The following L3HYPDH variants were observed in gnomAD, a reference collection of about 807,000 sequenced individuals.
L3HYPDH encodes the protein trans-L-3-hydroxyproline dehydratase, also known as trans-3-hydroxy-L-proline dehydratase.
A neutral mutation model predicts 26.5 loss-of-function variants in L3HYPDH; 32 were observed. That is an observed-to-expected ratio of 1.21 (90% CI 0.91 to 1.62). L3HYPDH has a LOEUF of 1.62. Among genes scored for constraint, L3HYPDH ranks in the 40% most tolerant of loss-of-function variants. The pLI, the probability that L3HYPDH is intolerant of heterozygous loss-of-function variation, is 0.00. For missense variants in L3HYPDH, 554 were observed against 476.4 expected, an observed-to-expected ratio of 1.16 and a Z score of -1.52; for synonymous variants, 215 against 196.6, an observed-to-expected ratio of 1.09 and a Z score of -0.78.
chr14:59,498,763 G>C, the L3HYPDH span: 4 of 1,589,954 alleles, frequency 2.5e-6, no homozygotes, highest in African/African-American at 4.0e-5. Context: ...CATTCTGCTT[G>C]GTATTAATGA....
chr14:59,466,113 T>C (rs1460766413), intron 1 of L3HYPDH, among the ~76,000 whole-genome samples: 1 of 152,162 alleles, frequency 6.6e-6, no homozygotes, highest in African/African-American at 2.4e-5. Context: ...TTCCTTTAGA[T>C]GTTACTTCAT....
At chr14:59,496,613 T>C in the L3HYPDH span, among the ~76,000 whole-genome samples, 1 of 152,226 alleles carries the variant, frequency 6.6e-6, no homozygotes, top group East Asian at 1.9e-4. Context: ...TCTGCACCTG[T>C]AATAGTCACT....
chr14:59,466,183 G>A (rs1309907440), intron 1 of L3HYPDH, among the ~76,000 whole-genome samples: 1 of 152,176 alleles, frequency 6.6e-6, no homozygotes, highest in African/African-American at 2.4e-5. Flanking sequence ...AGGGATTGGT[G>A]CCTTGCCCTG....
At chr14:59,484,454 A>G (rs888064397), upstream of L3HYPDH, 6 of 1,377,760 alleles carry the variant, frequency 4.4e-6, no homozygotes, top group Non-Finnish European at 6.0e-6. Context: ...TAAACCCGGA[A>G]GCGAGGGAGG....
chr14:59,484,519 G>T, upstream of L3HYPDH: 1 of 1,545,476 alleles, frequency 6.5e-7, no homozygotes, highest in Non-Finnish European at 8.8e-7. Flanking sequence ...AGCTCGCTGT[G>T]GCCCGGATGT....
chr14:59,503,440 G>A, the L3HYPDH span, among the ~76,000 whole-genome samples: 1 of 152,302 alleles, frequency 6.6e-6, no homozygotes, highest in African/African-American at 2.4e-5. Context: ...TAGAGGTTAA[G>A]GAGGTTGGGT....
chr14:59,503,910 G>T, the L3HYPDH span: 10 of 1,613,546 alleles, frequency 6.2e-6, no homozygotes, highest in Non-Finnish European at 8.5e-6. Context: ...TCAGCCACTG[G>T]TTACTTCATG....
chr14:59,487,739 A>C (rs753917895), upstream of L3HYPDH: 19 of 1,613,264 alleles, frequency 1.2e-5, no homozygotes, highest in Non-Finnish European at 1.4e-5. Context: ...AATCTCCTGA[A>C]CTTTATGATT....
upstream of L3HYPDH, among the ~76,000 whole-genome samples, chr14:59,486,433 A>G (rs1261355676): frequency 6.6e-6 from 1 of 152,308 alleles, no homozygotes; most frequent in Admixed American, 6.5e-5. Flanking sequence ...TCCTCTAATC[A>G]TACCGGGTTA....
At chr14:59,502,079 T>C in the L3HYPDH span, among the ~76,000 whole-genome samples, 1 of 152,212 alleles carries the variant, frequency 6.6e-6, no homozygotes, top group Non-Finnish European at 1.5e-5. Context: ...GGGAAAAATG[T>C]ATTCATTAAA....
chr14:59,487,079 T>C (rs1291880971), upstream of L3HYPDH: 7 of 232,456 alleles, frequency 3.0e-5, no homozygotes, highest in Non-Finnish European at 5.8e-5. Flanking sequence ...TGTGTGCGCC[T>C]GTAGTCCCAG....
At chr14:59,474,254 C>A (rs1889468964) in intron 4 of L3HYPDH, among the ~76,000 whole-genome samples, 2 of 152,054 alleles carry the variant, frequency 1.3e-5, no homozygotes, top group Admixed American at 1.3e-4. Flanking sequence ...CCCAAATATC[C>A]CAGAGAATAT....
At chr14:59,466,528 T>G (rs1388450237) in intron 1 of L3HYPDH, among the ~76,000 whole-genome samples, 2 of 152,232 alleles carry the variant, frequency 1.3e-5, no homozygotes, top group African/African-American at 2.4e-5. Flanking sequence ...CCTGATCTAC[T>G]GAAACTCCTG....
intron 4 of L3HYPDH, chr14:59,474,375 T>C: frequency 1.7e-6 from 1 of 602,562 alleles, no homozygotes; most frequent in East Asian, 2.9e-5. Context: ...GTCTCCACAG[T>C]TGTTCAGCTG....
chr14:59,473,163 T>C lies in L3HYPDH; in HGVS notation c.940-73A>G, dbSNP rs543882207. 8.6e-6 allele frequency: 12 copies of C among 1,387,670 alleles called. No individual in the cohort carries two copies. The South Asian group carries it at 1.7e-4, about 20-fold the overall frequency. The allele number at this position is 1,387,670 out of a possible 1,614,324, so 86.0% of individuals were successfully genotyped here. On this transcript the variant is annotated intron_variant, in intron 4 of 4. Coordinates refer to ENST00000247194, the MANE Select transcript of L3HYPDH (RefSeq NM_144581.2). Reference sequence around the variant, plus strand: ...TATATCTGGCTTGAAAACTGTACTCTTGACTTTTATCATGTGAAGGAAAGG... The same window carrying C: ...TATATCTGGCTTGAAAACTGTACTCCTGACTTTTATCATGTGAAGGAAAGG...
At chr14:59,501,367 T>C in the L3HYPDH span, 1 of 731,820 alleles carries the variant, frequency 1.4e-6, no homozygotes, top group Non-Finnish European at 2.2e-6. Context: ...ACTAATTGTT[T>C]TAGTAATCTT....
chr14:59,483,517 A>C, intron 1 of L3HYPDH: 1 of 1,338,562 alleles, frequency 7.5e-7, no homozygotes, highest in Non-Finnish European at 9.6e-7. Context: ...TGAAATCTCT[A>C]GGAATGCCTC....
intron 1 of L3HYPDH, chr14:59,483,600 AG>A: frequency 7.0e-7 from 1 of 1,431,492 alleles, no homozygotes; most frequent in Non-Finnish European, 9.1e-7. Flanking sequence ...CCAAAACCAC[AG>A]GCGGATGGGA....
the L3HYPDH span, among the ~76,000 whole-genome samples, chr14:59,503,402 C>T: frequency 5.6e-3 from 860 of 152,318 alleles, 5 homozygotes; most frequent in African/African-American, 0.02. Flanking sequence ...TGCCCCCTTA[C>T]TATTCATGCA....
Sources: allele counts gnomAD v4.1 joint callset (sites outside exome capture counted in the v4.1 genomes callset), GRCh38; gene constraint gnomAD v4.1.1; transcripts MANE v1.5; gene names NCBI Gene and HGNC (gene_info 2026-07-23, HGNC 2026-07-21).